CYP4F11: variants seen among roughly 807,000 people sequenced by gnomAD.
CYP4F11 encodes the protein cytochrome P450 family 4 subfamily F member 11.
Under a neutral mutation model 62.2 loss-of-function variants are expected in CYP4F11, and 79 were observed. The observed-to-expected ratio is 1.27, with a 90% CI of 1.06 to 1.53. The LOEUF (loss-of-function observed/expected upper bound fraction) is 1.53, where lower values mean the gene tolerates loss of function less well. CYP4F11 is among the 40% of genes most tolerant of loss of function. The pLI is 0.00. For missense variants in CYP4F11, 777 were observed against 680.5 expected, an observed-to-expected ratio of 1.14 and a Z score of -1.58; for synonymous variants, 290 against 263.7, an observed-to-expected ratio of 1.10 and a Z score of -0.97.
chr19:15,926,351 G>C (rs190895001), intron 4 of CYP4F11, among the ~76,000 whole-genome samples: 77 of 152,246 alleles, frequency 5.1e-4, no homozygotes, highest in Non-Finnish European at 8.8e-4. Flanking sequence ...GTTTGTCTCT[G>C]ACCCAGGACT....
intron 1 of CYP4F11, among the ~76,000 whole-genome samples, chr19:15,930,865 C>T (rs1439347951): frequency 6.6e-6 from 1 of 152,118 alleles, no homozygotes; most frequent in Non-Finnish European, 1.5e-5. Flanking sequence ...TCTCAGCAGC[C>T]CCCAGGCGTA....
intron 8 of CYP4F11, among the ~76,000 whole-genome samples, chr19:15,920,172 C>T (rs778175724): frequency 2.4e-4 from 36 of 151,936 alleles, no homozygotes; most frequent in Non-Finnish European, 5.1e-4. Flanking sequence ...TCACAGTGTA[C>T]CCCATAAATA....
intron 8 of CYP4F11, among the ~76,000 whole-genome samples, chr19:15,920,375 G>A (rs1426118251): frequency 2.0e-5 from 3 of 152,302 alleles, no homozygotes; most frequent in Admixed American, 2.0e-4. Context: ...CATCAGGATA[G>A]CCATTTTCTA....
At position 15,929,564 on chromosome 19, in the gene CYP4F11, T is replaced by C; in HGVS notation, c.236A>G (p.Gln79Arg). Residue 79 changes from glutamine to arginine, a missense_variant, in exon 2 of 12, where the codon CAG becomes CGG. Physicochemically the swap from Gln to Arg is conservative, Grantham distance 43 (BLOSUM62 1). Transcript: ENST00000402119. ...PTEEGMKTLT[Q>R]LVTTYPQGFK... ...GCCCTGGGGATATGTGGTCACCAGCTGGGTCAATGTCTTCATGCCCTCTTC... is the reference window on the plus strand; with the variant it reads ...GCCCTGGGGATATGTGGTCACCAGCCGGGTCAATGTCTTCATGCCCTCTTC... 6.2e-7 allele frequency: 1 copy of C among 1,612,952 alleles called. No individual in the cohort carries two copies. The highest frequency in any genetic ancestry group is 8.5e-7 in the Non-Finnish European group (1 of 1,179,282).
chr19:15,930,083 C>T (rs1372918241), intron 1 of CYP4F11, among the ~76,000 whole-genome samples: 1 of 148,306 alleles, frequency 6.7e-6, no homozygotes, highest in Non-Finnish European at 1.5e-5. Context: ...CTGTCTCATA[C>T]ATGCATGAGA....
chr19:15,927,526 G>A, intron 2 of CYP4F11, 43 bp from the exon 3 acceptor site: 3 of 1,611,426 alleles, frequency 1.9e-6, no homozygotes, highest in South Asian at 2.2e-5. Context: ...AGAGGGGTGA[G>A]AGAAGGACTT....
intron 8 of CYP4F11, among the ~76,000 whole-genome samples, chr19:15,920,935 TTC>T (rs564614579): frequency 1.7e-3 from 263 of 151,942 alleles, no homozygotes; most frequent in African/African-American, 6.2e-3. Context: ...TCTCTCTCCA[TTC>T]TCTTTTTATG....
chr19:15,916,908 A>C (rs2089587476), intron 8 of CYP4F11, among the ~76,000 whole-genome samples: 1 of 152,184 alleles, frequency 6.6e-6, no homozygotes. Flanking sequence ...TCCATCCAAC[A>C]ATCTCACTAC....
upstream of CYP4F11, chr19:15,934,791 T>C (rs2089764349): frequency 4.9e-6 from 1 of 205,994 alleles, no homozygotes; most frequent in Non-Finnish European, 9.6e-6. Context: ...GCCCTGCCAC[T>C]GCCAGCCTGG....
chr19:15,927,202 A>C lies in CYP4F11; in HGVS notation c.525+10T>G. 6.2e-7 allele frequency: 1 copy of C among 1,612,776 alleles called. No individual in the cohort carries two copies. Among genetic ancestry groups the C allele is most frequent in the Non-Finnish European group, 8.5e-7 (1 of 1,179,154 alleles). Reference sequence around the variant, plus strand: ...GGCTCCAGCTGGGACCCAGAGTTCAAGGGACTCACGTGCATGATGTTCACA... The same window carrying C: ...GGCTCCAGCTGGGACCCAGAGTTCACGGGACTCACGTGCATGATGTTCACA... On this transcript the variant is annotated intron_variant, in intron 4 of 11. Transcript: ENST00000402119.
In CYP4F11 at chr19:15,912,516, A is replaced by C. The variant is rs1439030158; in HGVS notation, c.*1216T>G. The C allele has an allele frequency of 1.3e-5, 2 of 151,760 alleles. No individual in the cohort carries two copies. Among genetic ancestry groups the C allele is most frequent in the African/African-American group, 2.4e-5 (1 of 41,268 alleles). The allele number at this position is 151,760 out of a possible 1,614,324, so 9.4% of individuals were successfully genotyped here. On this transcript the variant is annotated 3_prime_UTR_variant, in exon 12 of 12. Coordinates refer to ENST00000402119, the MANE Select transcript of CYP4F11 (RefSeq NM_021187.4). ...GGGAAGGAGATCAGCTACAGAAGAG[A>C]TTAGAGAAGTCAACAGGGTTTAGCG... is the stretch of plus-strand genomic sequence containing the variant.
intron 1 of CYP4F11, 109 bp downstream of exon 1, chr19:15,934,102 G>T (rs576996302): frequency 8.5e-7 from 1 of 1,173,208 alleles, no homozygotes; most frequent in Non-Finnish European, 1.2e-6. Context: ...TCTTCTCTGT[G>T]TTCCCACACC....
chr19:15,922,807 A>G (rs2089638959), intron 6 of CYP4F11, among the ~76,000 whole-genome samples: 1 of 152,124 alleles, frequency 6.6e-6, no homozygotes, highest in Non-Finnish European at 1.5e-5. Context: ...TAATCCCAAC[A>G]CTTTGGAAGG....
At position 15,912,650 on chromosome 19, in the gene CYP4F11, T is replaced by C. The variant is rs1012308772; in HGVS notation, c.*1082A>G. ...TCTCCTACCACCTCACACAGTCAGG[T>C]ACCTTCACCATCCTCAGGAAAAAAA... On this transcript the variant is annotated 3_prime_UTR_variant, in exon 12 of 12. Coordinates refer to ENST00000402119, the MANE Select transcript of CYP4F11 (RefSeq NM_021187.4). 49 of 129,344 alleles carry C rather than the reference T, an allele frequency of 3.8e-4. No homozygotes were observed. Among genetic ancestry groups the C allele is most frequent in the African/African-American group, 1.4e-3 (49 of 34,072 alleles). The allele number at this position is 129,344 out of a possible 1,614,324, so 8.0% of individuals were successfully genotyped here. A position where few individuals can be genotyped will look rare whatever the true frequency, so the allele number is the denominator to read the frequency against.
At chr19:15,924,685 C>A (rs547001339) in intron 5 of CYP4F11, 76 bp downstream of exon 5, 5 of 1,557,886 alleles carry the variant, frequency 3.2e-6, no homozygotes, top group Non-Finnish European at 4.4e-6. Context: ...TTCTGGTTAC[C>A]CCGGTCAGCC....
chr19:15,922,243 C>G, intron 7 of CYP4F11, 77 bp from the exon 8 acceptor site: 2 of 1,595,380 alleles, frequency 1.3e-6, no homozygotes, highest in Non-Finnish European at 1.7e-6. Context: ...AACTCTGAGG[C>G]CCTCAGGAGA....
At chr19:15,926,902 A>G (rs1009861208) in intron 4 of CYP4F11, among the ~76,000 whole-genome samples, 1 of 152,192 alleles carries the variant, frequency 6.6e-6, no homozygotes, top group African/African-American at 2.4e-5. Context: ...CTCTAAACCA[A>G]TGAGTTTTCA....
intron 11 of CYP4F11, 38 bp downstream of exon 11, chr19:15,914,267 A>G (rs757488774): frequency 6.2e-7 from 1 of 1,605,098 alleles, no homozygotes; most frequent in South Asian, 1.1e-5. Flanking sequence ...CCCTGCACCC[A>G]TCATGCCATC....
rs2089556361 is a variant in CYP4F11 at position 15,913,737 on chromosome 19, G to A, written c.1570C>T (p.Gln524Ter). 2 of 1,614,002 alleles carry A rather than the reference G, an allele frequency of 1.2e-6. No individual in the cohort carries two copies. The highest frequency in any genetic ancestry group is 1.3e-5 in the African/African-American group (1 of 74,918). ...TGGGTGGGTGGGTAGGACAGTCACT[G>A]TGAGTTCGCACCCAGGGGCTCCACC... ...LRVEPLGANS[Q>*] Residue 524 changes from glutamine to a stop codon, truncating the protein, a stop_gained, in exon 12 of 12, where the codon CAG becomes TAG. Coordinates refer to ENST00000402119, the MANE Select transcript of CYP4F11 (RefSeq NM_021187.4). LOFTEE classifies it high-confidence loss of function.
Sources: gnomAD v4.1 joint callset for allele counts (sites outside exome capture counted in the v4.1 genomes callset) on GRCh38, gnomAD v4.1.1 for gene constraint, MANE v1.5 for transcripts, NCBI Gene and HGNC (gene_info 2026-07-23, HGNC 2026-07-21) for gene names.